The following DERA variants were observed in gnomAD, a reference collection of about 807,000 sequenced individuals.
DERA encodes deoxyribose-phosphate aldolase, also known as 2-deoxy-D-ribose 5-phosphate aldolase.
In DERA, 15 loss-of-function variants were observed where a neutral mutation model predicts 41.1. That is an observed-to-expected ratio of 0.37 (90% CI 0.24 to 0.56). The LOEUF is 0.56. Ranked by LOEUF, DERA falls within the 20% of genes least tolerant of loss-of-function variation. The probability of loss-of-function intolerance (pLI) is 0.81; values close to 1 mark genes in which losing one functional copy is unlikely to be tolerated. For missense variants in DERA, 396 were observed against 403.4 expected, an observed-to-expected ratio of 0.98 and a Z score of 0.16; for synonymous variants, 139 against 137.4, an observed-to-expected ratio of 1.01 and a Z score of -0.08.
At chr12:15,912,092 G>A (rs916343623) in intron 1 of DERA, among the ~76,000 whole-genome samples, 3 of 151,520 alleles carry the variant, frequency 2.0e-5, no homozygotes, top group Non-Finnish European at 2.9e-5. Flanking sequence ...TCATAGGACA[G>A]TAGTGGAGGG....
At chr12:16,023,717 T>TCCGC (rs1189800031) in intron 6 of DERA, among the ~76,000 whole-genome samples, 1 of 151,982 alleles carries the variant, frequency 6.6e-6, no homozygotes, top group African/African-American at 2.4e-5. Context: ...GACCTCGTGA[T>TCCGC]CCGCCCGCCT....
chr12:16,007,142 A>G (rs1459840020), intron 6 of DERA, among the ~76,000 whole-genome samples: 1 of 148,124 alleles, frequency 6.8e-6, no homozygotes, highest in Non-Finnish European at 1.5e-5. Context: ...TATGTTCATT[A>G]TAGACATTTT....
In DERA at chr12:16,036,646, T is replaced by C. The variant is rs759052798; in HGVS notation, c.901-44T>C. On this transcript the variant is annotated intron_variant, in intron 8 of 8. Transcript: ENST00000428559. This position sits in a 1 kb window ranked among gnomAD's most constrained non-coding sequence, Gnocchi z 4.9. ...TAGTATAATTATTAACTGATGTGTA[T>C]AATTATAGAATGATTGTTAATTAAA... 2 of 1,393,106 alleles carry C rather than the reference T, an allele frequency of 1.4e-6. No homozygotes were observed. The highest frequency in any genetic ancestry group is 1.2e-5 in the South Asian group (1 of 81,526). The allele number at this position is 1,393,106 out of a possible 1,614,324, so 86.3% of individuals were successfully genotyped here.
At chr12:16,006,962 T>C (rs1266050140) in intron 6 of DERA, among the ~76,000 whole-genome samples, 1 of 152,236 alleles carries the variant, frequency 6.6e-6, no homozygotes, top group Non-Finnish European at 1.5e-5. Flanking sequence ...TGAAGTGTCA[T>C]GTAACTGCTT....
rs760753405 is a variant in DERA, at chr12:16,036,209, C to T, written c.751-23C>T. The T allele has an allele frequency of 1.0e-5, 16 of 1,569,022 alleles. No homozygotes were observed. The highest frequency in any genetic ancestry group is 1.4e-5 in the Non-Finnish European group (16 of 1,159,696). Reference sequence around the variant, plus strand: ...AAATCCAATAACAATAAAGATTGTTCTATTCTCTGCCTTCCCATTTAGATA... The same window carrying T: ...AAATCCAATAACAATAAAGATTGTTTTATTCTCTGCCTTCCCATTTAGATA... On this transcript the variant is annotated intron_variant, in intron 7 of 8. Transcript: ENST00000428559. The surrounding 1 kb of genome is among the most constrained non-coding windows in gnomAD (Gnocchi z 4.9).
chr12:15,925,822 CTTTTT>C lies in DERA; in HGVS notation c.31+14427_31+14431del, dbSNP rs35956433. Among the ~76,000 whole-genome samples the C allele has an allele frequency of 5.4e-3, 514 of 95,268 alleles. 3 individuals carry two copies. Among genetic ancestry groups the C allele is most frequent in the African/African-American group, 0.022 (494 of 22,896 alleles). The allele number at this position is 95,268 out of a possible 152,430, so 62.5% of individuals were successfully genotyped here. A position where few individuals can be genotyped will look rare whatever the true frequency, so the allele number is the denominator to read the frequency against. The stretch of plus-strand genomic sequence containing the variant: ...GTGAGGCCCTCATCAACTCCTGAGG[CTTTTT>C]TTTTTTTTTTTTTTTTTTGAGACAG... On this transcript the variant is annotated intron_variant, in intron 1 of 8. Coordinates refer to ENST00000428559, the MANE Select transcript of DERA (RefSeq NM_015954.4).
intron 5 of DERA, among the ~76,000 whole-genome samples, chr12:15,968,712 T>C (rs142336602): frequency 1.3e-5 from 2 of 152,212 alleles, no homozygotes; most frequent in African/African-American, 4.8e-5. Context: ...AGGGTTACAA[T>C]AGGGAAGAAA....
Position 16,017,545 on chromosome 12 carries a change from G to T in DERA, c.638-14997G>T, listed in dbSNP as rs142852199. 5.3e-5 allele frequency among the ~76,000 whole-genome samples: 8 copies of T among 152,284 alleles called. No homozygotes were observed. Among genetic ancestry groups the T allele is most frequent in the Admixed American group, 2.6e-4 (4 of 15,298 alleles). ...TATTAGTATCACATTGATACCTCCA[G>T]AGGGGCTTTCTGCTTCCATATGTAC... On this transcript the variant is annotated intron_variant, in intron 6 of 8. Transcript: ENST00000428559. The surrounding 1 kb of genome is among the most constrained non-coding windows in gnomAD (Gnocchi z 5.5).
chr12:16,004,991 C>T lies in DERA; in HGVS notation c.637+22555C>T, dbSNP rs934228446. 2.6e-5 allele frequency among the ~76,000 whole-genome samples: 4 copies of T among 152,002 alleles called. No homozygotes were observed. The highest frequency in any genetic ancestry group is 4.8e-5 in the African/African-American group (2 of 41,364). ...AGCAACTGAGGATTTGGTTTTATGC[C>T]CTGTAGAGTTCAAATTAAATTTTAC... On this transcript the variant is annotated intron_variant, in intron 6 of 8. Coordinates refer to ENST00000428559, the MANE Select transcript of DERA (RefSeq NM_015954.4). This position sits in a 1 kb window ranked among gnomAD's most constrained non-coding sequence, Gnocchi z 4.2.
chr12:15,912,643 G>A (rs1275734249), intron 1 of DERA, among the ~76,000 whole-genome samples: 4 of 152,120 alleles, frequency 2.6e-5, no homozygotes, highest in African/African-American at 7.2e-5. Flanking sequence ...GGTATATTGT[G>A]GACACCTAGT....
At chr12:16,025,733 C>G (rs1167174444) in intron 6 of DERA, among the ~76,000 whole-genome samples, 2 of 152,054 alleles carry the variant, frequency 1.3e-5, no homozygotes, top group South Asian at 4.1e-4. Flanking sequence ...AAAACTTCAT[C>G]CAACAACAGC....
At chr12:15,946,613 T>C (rs1052016773) in intron 1 of DERA, among the ~76,000 whole-genome samples, 4 of 152,098 alleles carry the variant, frequency 2.6e-5, no homozygotes, top group African/African-American at 7.2e-5. Flanking sequence ...GATTCTTCTC[T>C]GTTTTCTTCT....
chr12:15,958,477 A>T, intron 3 of DERA, 142 bp downstream of exon 3: 1 of 413,556 alleles, frequency 2.4e-6, no homozygotes, highest in Non-Finnish European at 3.9e-6. Context: ...ACATAGACAG[A>T]TTCTTCTCTG....
chr12:15,917,196 C>T (rs1025207560), intron 1 of DERA, among the ~76,000 whole-genome samples: 1 of 151,996 alleles, frequency 6.6e-6, no homozygotes, highest in Non-Finnish European at 1.5e-5. Flanking sequence ...AAGTCAATTC[C>T]TAGTGAAAAA....
Position 16,036,846 on chromosome 12 carries a change from T to A in DERA, c.*100T>A. 1 of 838,902 alleles carries A rather than the reference T, an allele frequency of 1.2e-6. No individual in the cohort carries two copies. Among genetic ancestry groups the A allele is most frequent in the Non-Finnish European group, 1.9e-6 (1 of 526,448 alleles). 52.0% of individuals were successfully genotyped at this position (838,902 alleles called of 1,614,324 possible). A position where few individuals can be genotyped will look rare whatever the true frequency, so the allele number is the denominator to read the frequency against. Reference sequence around the variant, plus strand: ...TTTAATTAAAAAATTGGGCAGTAGGTAACTGGCATTCCTCTCTTTAAAATT... The same window carrying A: ...TTTAATTAAAAAATTGGGCAGTAGGAAACTGGCATTCCTCTCTTTAAAATT... On this transcript the variant is annotated 3_prime_UTR_variant, in exon 9 of 9. Coordinates refer to ENST00000428559, the MANE Select transcript of DERA (RefSeq NM_015954.4). This position sits in a 1 kb window ranked among gnomAD's most constrained non-coding sequence, Gnocchi z 4.9.
chr12:16,006,608 G>A (rs758831267), intron 6 of DERA, among the ~76,000 whole-genome samples: 9 of 152,114 alleles, frequency 5.9e-5, no homozygotes, highest in Non-Finnish European at 1.0e-4. Flanking sequence ...ACCTGTCACC[G>A]CTCCTGATCC....
rs1208399388 is a variant in DERA at position 15,913,496 on chromosome 12, C to A, written c.31+2082C>A. ...AAAGTCTTTTTAATAAACATCGTAA[C>A]TAATTTCTAAAATAAATTAACATTT... On this transcript the variant is annotated intron_variant, in intron 1 of 8. Coordinates refer to ENST00000428559, the MANE Select transcript of DERA (RefSeq NM_015954.4). The surrounding 1 kb of genome is among the most constrained non-coding windows in gnomAD (Gnocchi z 4.5). Among the ~76,000 whole-genome samples, 2 of 152,172 alleles carry A rather than the reference C, an allele frequency of 1.3e-5. No homozygotes were observed. The highest frequency in any genetic ancestry group is 4.8e-5 in the African/African-American group (2 of 41,450).
At chr12:15,971,900 G>A (rs1046643123) in intron 5 of DERA, 40 of 330,176 alleles carry the variant, frequency 1.2e-4, no homozygotes, top group Non-Finnish European at 2.1e-4. Context: ...TCAATCTTCA[G>A]TGAGGGCAGA....
intron 1 of DERA, among the ~76,000 whole-genome samples, chr12:15,927,338 T>C (rs1948294511): frequency 1.3e-5 from 2 of 152,330 alleles, no homozygotes; most frequent in South Asian, 4.1e-4. Flanking sequence ...GTAAGTCTCA[T>C]TGGTACCATT....
Sources: gnomAD v4.1 joint callset for allele counts (sites outside exome capture counted in the v4.1 genomes callset) on GRCh38, gnomAD v4.1.1 for gene constraint, Gnocchi (gnomAD v3.1) non-coding constraint, MANE v1.5 for transcripts, NCBI Gene and HGNC (gene_info 2026-07-23, HGNC 2026-07-21) for gene names.